PRSS50: variants seen among roughly 807,000 people sequenced by gnomAD.
PRSS50 encodes serine protease 50, also known as probable threonine protease PRSS50.
PRSS50 carries 23 observed loss-of-function variants against 34.2 expected under a neutral mutation model. The observed-to-expected ratio is 0.67, with a 90% confidence interval of 0.48 to 0.95. PRSS50 has a LOEUF of 0.95. Among genes scored for constraint, PRSS50 ranks in the 40% least tolerant of loss-of-function variants. PRSS50 has a pLI of 0.00. For missense variants in PRSS50, 484 were observed against 513.4 expected, an observed-to-expected ratio of 0.94 and a Z score of 0.55; for synonymous variants, 224 against 211.2, an observed-to-expected ratio of 1.06 and a Z score of -0.53.
rs567168387 is a variant in PRSS50 at position 46,717,162 on chromosome 3, G to A, written c.307+275C>T. Among the ~76,000 whole-genome samples the A allele has an allele frequency of 6.6e-6, 1 of 152,098 alleles. No individual in the cohort carries two copies. Among genetic ancestry groups the A allele is most frequent in the Admixed American group, 6.5e-5 (1 of 15,276 alleles). On this transcript the variant is annotated intron_variant, in intron 2 of 5. Transcript: ENST00000315170. This position sits in a 1 kb window ranked among gnomAD's most constrained non-coding sequence, Gnocchi z 4.5. ...GCCCCACAGCCAGCTCAGGCGAGGC[G>A]GGAACACACAGCCGGCCCCAGGCCC...
chr3:46,712,505 A>G (rs1700633654), intron 5 of PRSS50, 23 bp from the exon 6 acceptor site: 16 of 1,611,400 alleles, frequency 9.9e-6, no homozygotes, highest in African/African-American at 1.3e-5. Flanking sequence ...TTGGGGGAGT[A>G]AGGGTCAGGG....
In PRSS50 at chr3:46,716,687, G is replaced by A. The variant is rs1397398655; in HGVS notation, c.307+750C>T. Among the ~76,000 whole-genome samples the A allele has an allele frequency of 6.6e-6, 1 of 152,192 alleles. No individual in the cohort carries two copies. The highest frequency in any genetic ancestry group is 1.5e-5 in the Non-Finnish European group (1 of 68,032). On this transcript the variant is annotated intron_variant, in intron 2 of 5. Coordinates refer to ENST00000315170, the MANE Select transcript of PRSS50 (RefSeq NM_013270.5). This position sits in a 1 kb window ranked among gnomAD's most constrained non-coding sequence, Gnocchi z 4.4. Reference sequence around the variant, plus strand: ...CCCAGAATGCCTACCCACGGCTGGTGGGAGTGCTCACTGCTGCAGCCGCTT... The same window carrying A: ...CCCAGAATGCCTACCCACGGCTGGTAGGAGTGCTCACTGCTGCAGCCGCTT...
chr3:46,712,406 C>T lies in PRSS50; in HGVS notation c.998G>A (p.Gly333Asp), dbSNP rs773837813. Residue 333 changes from glycine (G) to aspartate (D), a missense_variant, in exon 6 of 6, where the codon GGC (glycine) becomes GAC (aspartate). Physicochemically the swap from Gly to Asp is moderately conservative, Grantham distance 94 (BLOSUM62 -1). Coordinates refer to ENST00000315170, the MANE Select transcript of PRSS50 (RefSeq NM_013270.5). ...GGGTGGGGCCTCGCTCTTCTGGCAGCCTGCACCCCAGCTCACCAATCCCAC... is the reference window on the plus strand; with the variant it reads ...GGGTGGGGCCTCGCTCTTCTGGCAGTCTGCACCCCAGCTCACCAATCCCAC... ...YLVGLVSWGA[G>D]CQKSEAPPIY... 3.7e-6 allele frequency: 6 copies of T among 1,613,890 alleles called. No individual in the cohort carries two copies. In the South Asian group the frequency reaches 6.6e-5, roughly 18 times the overall value.
At position 46,717,366 on chromosome 3, in the gene PRSS50, C is replaced by T; in HGVS notation, c.307+71G>A. 6.4e-7 allele frequency: 1 copy of T among 1,556,164 alleles called. No individual in the cohort carries two copies. Among genetic ancestry groups the T allele is most frequent in the Non-Finnish European group, 8.8e-7 (1 of 1,133,580 alleles). ...GCCCCCGTCCCTTCTGCTCCCCTAG[C>T]CCCAGCCAAGGTCCTTAAGACTCCT... On this transcript the variant is annotated intron_variant, in intron 2 of 5. Transcript: ENST00000315170. This position sits in a 1 kb window ranked among gnomAD's most constrained non-coding sequence, Gnocchi z 4.5.
In PRSS50 at chr3:46,713,065, T is replaced by A. The variant is rs761903174; in HGVS notation, c.757A>T (p.Met253Leu). Reference protein sequence around the residue: ...TGWGLSKADGMWPQFRTIQEK... With the variant: ...TGWGLSKADGLWPQFRTIQEK... ...TGAATGGTCCGGAACTGAGGCCACA[T>A]GCCTGTGGGACAGGGCCCCATTTAG... The change falls in exon 5 of 6, where the codon ATG (methionine) becomes TTG (leucine). Residue 253 changes from methionine to leucine, a missense_variant and splice_region_variant. Physicochemically the swap from Met to Leu is conservative, Grantham distance 15. Coordinates refer to ENST00000315170, the MANE Select transcript of PRSS50 (RefSeq NM_013270.5). 6.2e-7 allele frequency: 1 copy of A among 1,613,944 alleles called. No individual in the cohort carries two copies. Among genetic ancestry groups the A allele is most frequent in the South Asian group, 1.1e-5 (1 of 91,064 alleles).
rs867410485 is a variant in PRSS50 at position 46,713,822 on chromosome 3, T to C, written c.754+396A>G. Among the ~76,000 whole-genome samples the C allele has an allele frequency of 6.6e-5, 10 of 152,294 alleles. No homozygotes were observed. In the South Asian group the frequency reaches 1.4e-3, roughly 22 times the overall value. Reference sequence around the variant, plus strand: ...GCTGCAGACGGCCCCTAGCCAGCCATGTGGGCCTTCTGGGCAGCATTTTAC... The same window carrying C: ...GCTGCAGACGGCCCCTAGCCAGCCACGTGGGCCTTCTGGGCAGCATTTTAC... On this transcript the variant is annotated intron_variant, in intron 4 of 5. Coordinates refer to ENST00000315170, the MANE Select transcript of PRSS50 (RefSeq NM_013270.5).
In PRSS50 at chr3:46,717,783, G is replaced by C. The variant is rs750405976; in HGVS notation, c.42C>G (p.Pro14=). ...WCQTVARGQR[P]RTSAPSRAGA... is the part of the protein sequence containing the mutation. ...CGGCGCGGGAGGGGGCAGACGTCCG[G>C]GGGCGCTGCCCGCGCGCGACGGTCT... Residue 14 remains proline (P), a synonymous_variant, in exon 1 of 6, where the codon CCC becomes CCG. Transcript: ENST00000315170. This position sits in a 1 kb window ranked among gnomAD's most constrained non-coding sequence, Gnocchi z 4.5. 1.5e-5 allele frequency: 24 copies of C among 1,562,720 alleles called. No individual in the cohort carries two copies. Among genetic ancestry groups the C allele is most frequent in the Non-Finnish European group, 2.0e-5 (23 of 1,155,366 alleles).
Position 46,717,311 on chromosome 3 carries a change from T to C in PRSS50, c.307+126A>G. The C allele has an allele frequency of 9.4e-7, 1 of 1,062,742 alleles. No individual in the cohort carries two copies. Among genetic ancestry groups the C allele is most frequent in the Non-Finnish European group, 1.4e-6 (1 of 735,646 alleles). 65.8% of individuals were successfully genotyped at this position (1,062,742 alleles called of 1,614,324 possible). ...AGGTGTTTAGTGCTCAATGAACACC[T>C]GTAGAAGGAGGCGCTCCTCTATCCT... On this transcript the variant is annotated intron_variant, in intron 2 of 5. Coordinates refer to ENST00000315170, the MANE Select transcript of PRSS50 (RefSeq NM_013270.5). This position sits in a 1 kb window ranked among gnomAD's most constrained non-coding sequence, Gnocchi z 4.5.
Position 46,715,051 on chromosome 3 carries a change from A to C in PRSS50, c.470+484T>G, listed in dbSNP as rs1179478190. On this transcript the variant is annotated intron_variant, in intron 3 of 5. Coordinates refer to ENST00000315170, the MANE Select transcript of PRSS50 (RefSeq NM_013270.5). This position sits in a 1 kb window ranked among gnomAD's most constrained non-coding sequence, Gnocchi z 5.2. ...TCAGAACACTCCCTCTTTTGTCCCC[A>C]CACCAACCAGGCACCCTTGTGAGCA... 1.3e-5 allele frequency among the ~76,000 whole-genome samples: 2 copies of C among 152,142 alleles called. No individual in the cohort carries two copies. Among genetic ancestry groups the C allele is most frequent in the Non-Finnish European group, 2.9e-5 (2 of 68,010 alleles).
At position 46,715,421 on chromosome 3, in the gene PRSS50, C is replaced by A; in HGVS notation, c.470+114G>T. On this transcript the variant is annotated intron_variant, in intron 3 of 5. Transcript: ENST00000315170. This position sits in a 1 kb window ranked among gnomAD's most constrained non-coding sequence, Gnocchi z 5.2. ...ACTCAGCCTCCACCTGCTTGGAGCC[C>A]AGATGAGGCTGGGGCTGGGACTGTG... The A allele has an allele frequency of 7.3e-7, 1 of 1,369,214 alleles. No homozygotes were observed. Among genetic ancestry groups the A allele is most frequent in the Non-Finnish European group, 9.9e-7 (1 of 1,011,382 alleles). 84.8% of individuals were successfully genotyped at this position (1,369,214 alleles called of 1,614,324 possible).
At position 46,717,573 on chromosome 3, in the gene PRSS50, G is replaced by A. The variant is rs200856664; in HGVS notation, c.171C>T (p.Val57=). 5.9e-5 allele frequency: 96 copies of A among 1,613,730 alleles called. No homozygotes were observed. Among genetic ancestry groups the A allele is most frequent in the Admixed American group, 5.5e-4 (33 of 60,022 alleles). Residue 57 remains valine (V), a synonymous_variant, in exon 2 of 6, where the codon GTC becomes GTT. Transcript: ENST00000315170. This position sits in a 1 kb window ranked among gnomAD's most constrained non-coding sequence, Gnocchi z 4.5. The part of the protein sequence containing the change: ...LSTADPADQS[V]QCVPKATCPS... ...GACAGGTGGCCTTGGGGACACACTG[G>A]ACGCTCTGGTCGGCGGGATCAGCAG...
intron 3 of PRSS50, among the ~76,000 whole-genome samples, chr3:46,714,859 G>T (rs1700660590): frequency 6.6e-6 from 1 of 152,202 alleles, no homozygotes; most frequent in Non-Finnish European, 1.5e-5. Flanking sequence ...CCCATGCTGT[G>T]CCCTGGAGGA....
rs1002495038 is a variant in PRSS50, at chr3:46,716,995, G to A, written c.307+442C>T. The stretch of plus-strand genomic sequence containing the variant: ...GCCACTGGGCAAGAGAACGTCTTAC[G>A]TGTGCACCCTGGAGACACCACAGGA... On this transcript the variant is annotated intron_variant, in intron 2 of 5. Transcript: ENST00000315170. The surrounding 1 kb of genome is among the most constrained non-coding windows in gnomAD (Gnocchi z 4.4). Among the ~76,000 whole-genome samples, 1 of 152,208 alleles carries A rather than the reference G, an allele frequency of 6.6e-6. No homozygotes were observed. Among genetic ancestry groups the A allele is most frequent in the African/African-American group, 2.4e-5 (1 of 41,452 alleles).
At chr3:46,712,689 C>G (rs566840521) in intron 5 of PRSS50, among the ~76,000 whole-genome samples, 1 of 148,118 alleles carries the variant, frequency 6.8e-6, no homozygotes, top group African/African-American at 2.5e-5. Flanking sequence ...TCCCCACGGA[C>G]CCCCCACTCC....
In PRSS50 at chr3:46,713,007, T is replaced by C. The variant is rs1316166737; in HGVS notation, c.815A>G (p.Glu272Gly). Reference protein sequence around the residue: ...EKEVIILNNKECDNFYHNFTK... With the variant: ...EKEVIILNNKGCDNFYHNFTK... ...GAAGTTGTGGTAGAAATTGTCACAC[T>C]CTTTGTTGTTCAGGATGATGACTTC... Residue 272 changes from glutamate to glycine, a missense_variant, in exon 5 of 6, where the codon GAG (glutamate) becomes GGG (glycine). Coordinates refer to ENST00000315170, the MANE Select transcript of PRSS50 (RefSeq NM_013270.5). 6.2e-7 allele frequency: 1 copy of C among 1,614,154 alleles called. No homozygotes were observed. The highest frequency in any genetic ancestry group is 8.5e-7 in the Non-Finnish European group (1 of 1,179,990).
rs1575472634 is a variant in PRSS50 at position 46,715,482 on chromosome 3, C to T, written c.470+53G>A. 1.3e-6 allele frequency: 2 copies of T among 1,574,520 alleles called. No individual in the cohort carries two copies. Among genetic ancestry groups the T allele is most frequent in the African/African-American group, 2.7e-5 (2 of 74,392 alleles). Reference sequence around the variant, plus strand: ...AGCTGGCAGGGAGGGGATGACTGGGCCCACAGCAGCTCCAAATACCTCTCC... The same window carrying T: ...AGCTGGCAGGGAGGGGATGACTGGGTCCACAGCAGCTCCAAATACCTCTCC... On this transcript the variant is annotated intron_variant, in intron 3 of 5. Coordinates refer to ENST00000315170, the MANE Select transcript of PRSS50 (RefSeq NM_013270.5). The surrounding 1 kb of genome is among the most constrained non-coding windows in gnomAD (Gnocchi z 5.2).
chr3:46,717,798 C>G lies in PRSS50; in HGVS notation c.27G>C (p.Ala9=). MGRWCQTV[A]RGQRPRTSAP... is the part of the protein sequence containing the mutation. The stretch of plus-strand genomic sequence containing the variant: ...CAGACGTCCGGGGGCGCTGCCCGCG[C>G]GCGACGGTCTGGCACCAGCGACCCA... Residue 9 remains alanine, a synonymous_variant, in exon 1 of 6, where the codon GCG becomes GCC. Coordinates refer to ENST00000315170, the MANE Select transcript of PRSS50 (RefSeq NM_013270.5). The surrounding 1 kb of genome is among the most constrained non-coding windows in gnomAD (Gnocchi z 4.5). The G allele has an allele frequency of 6.5e-7, 1 of 1,544,964 alleles. No homozygotes were observed. The highest frequency in any genetic ancestry group is 8.7e-7 in the Non-Finnish European group (1 of 1,146,328).
In PRSS50 at chr3:46,717,510, G is replaced by T; in HGVS notation, c.234C>A (p.Thr78=). The T allele has an allele frequency of 6.2e-7, 1 of 1,613,892 alleles. No homozygotes were observed. The highest frequency in any genetic ancestry group is 8.5e-7 in the Non-Finnish European group (1 of 1,180,018). ...TGGTGGTCGAGGGCAGTGTCTGGGTGGTCGGGGTCTGCCAGAGAAGGCGAG... is the reference window on the plus strand; with the variant it reads ...TGGTGGTCGAGGGCAGTGTCTGGGTTGTCGGGGTCTGCCAGAGAAGGCGAG... ...SRPRLLWQTP[T]TQTLPSTTME... The change falls in exon 2 of 6, where the codon ACC becomes ACA. Residue 78 remains threonine (T), a synonymous_variant. Transcript: ENST00000315170. This position sits in a 1 kb window ranked among gnomAD's most constrained non-coding sequence, Gnocchi z 4.5.
In PRSS50 at chr3:46,712,340, T is replaced by C. The variant is rs1046596238; in HGVS notation, c.1064A>G (p.Asp355Gly). The stretch of plus-strand genomic sequence containing the variant: ...GGCCAGGGCCTGCCCGTTGAGGCAG[T>C]CCCAGATCCAGTGTTGGTAGGAGGA... The part of the protein sequence containing the change: ...QVSSYQHWIW[D>G]CLNGQALALP... The change falls in exon 6 of 6, where the codon GAC (aspartate) becomes GGC (glycine). Residue 355 changes from aspartate (D) to glycine (G), a missense_variant. Asp to Gly is a moderately conservative substitution (Grantham distance 94). Coordinates refer to ENST00000315170, the MANE Select transcript of PRSS50 (RefSeq NM_013270.5). The C allele has an allele frequency of 4.3e-6, 7 of 1,613,594 alleles. No individual in the cohort carries two copies. Among genetic ancestry groups the C allele is most frequent in the Non-Finnish European group, 5.9e-6 (7 of 1,179,896 alleles).
Sources: allele counts gnomAD v4.1 joint callset (sites outside exome capture counted in the v4.1 genomes callset), GRCh38; gene constraint gnomAD v4.1.1; non-coding constraint Gnocchi (gnomAD v3.1); transcripts MANE v1.5; gene names NCBI Gene and HGNC (gene_info 2026-07-23, HGNC 2026-07-21).